Variants in XRCC4 observed in about 807,000 individuals in gnomAD.
The protein encoded by XRCC4 is DNA repair protein XRCC4.
XRCC4 carries 28 observed loss-of-function variants against 39.1 expected under a neutral mutation model. The observed-to-expected ratio is 0.72, with a 90% confidence interval of 0.53 to 0.98. The LOEUF (loss-of-function observed/expected upper bound fraction) is 0.98. Among genes scored for constraint, XRCC4 ranks in the 50% least tolerant of loss-of-function variants. XRCC4 has a pLI of 0.00. For missense variants in XRCC4, 350 were observed against 376.4 expected (o/e 0.93, Z 0.58); for synonymous variants, 123 against 126.4 (o/e 0.97, Z 0.18).
At chr5:83,126,423 T>C (rs908478880) in intron 3 of XRCC4, among the ~76,000 whole-genome samples, 3 of 152,204 alleles carry the variant, frequency 2.0e-5, no homozygotes, top group African/African-American at 4.8e-5. Flanking sequence ...TTTGTTGTTA[T>C]TGTTGTTTGC....
At chr5:83,196,059 T>C in intron 4 of XRCC4, 123 bp downstream of exon 4, 1 of 1,002,726 alleles carries the variant, frequency 1.0e-6, no homozygotes, top group Non-Finnish European at 1.4e-6. Flanking sequence ...TTACCTTAAC[T>C]GAATATGATT....
chr5:83,217,042 A>AACAC (rs146441778), intron 6 of XRCC4, among the ~76,000 whole-genome samples: 40 of 151,378 alleles, frequency 2.6e-4, no homozygotes, highest in African/African-American at 9.0e-4. Flanking sequence ...GATATTTCAA[A>AACAC]ACACACACAC....
intron 6 of XRCC4, among the ~76,000 whole-genome samples, chr5:83,209,112 GT>G: frequency 6.6e-6 from 1 of 151,634 alleles, no homozygotes; most frequent in South Asian, 2.1e-4. Flanking sequence ...GTGTGTGTGT[GT>G]GTGTGTGTGA....
the XRCC4 span, among the ~76,000 whole-genome samples, chr5:83,371,124 C>G: frequency 3.9e-5 from 6 of 152,272 alleles, no homozygotes; most frequent in East Asian, 7.7e-4. Flanking sequence ...GCCCTTTCAT[C>G]CACTCTTCTC....
intron 2 of XRCC4, among the ~76,000 whole-genome samples, chr5:83,110,216 G>T (rs1254293545): frequency 1.3e-5 from 2 of 151,842 alleles, no homozygotes; most frequent in Non-Finnish European, 2.9e-5. Context: ...AGTAAAACAA[G>T]AATTTTTCCA....
intron 2 of XRCC4, among the ~76,000 whole-genome samples, chr5:83,110,812 T>G (rs1746405399): frequency 6.6e-6 from 1 of 152,092 alleles, no homozygotes; most frequent in African/African-American, 2.4e-5. Context: ...GTTTAATGTA[T>G]TTTACGAGAT....
At chr5:83,266,935 A>G (rs1376828788) in intron 7 of XRCC4, among the ~76,000 whole-genome samples, 1 of 152,194 alleles carries the variant, frequency 6.6e-6, no homozygotes, top group African/African-American at 2.4e-5. Flanking sequence ...GTGTATGAAT[A>G]GAACAATGAA....
At position 83,245,173 on chromosome 5, in the gene XRCC4, A is replaced by G. The variant is rs1580418025; in HGVS notation, c.746-13357A>G. On this transcript the variant is annotated intron_variant, in intron 6 of 7. Transcript: ENST00000396027. ...TAGCTTTTGATGTCCTCGGGTAACA[A>G]AATCAACATTTTTCTGTATTTAATG... Among the ~76,000 whole-genome samples, 5 of 152,254 alleles carry G rather than the reference A, an allele frequency of 3.3e-5. 1 individual carries two copies. The highest frequency in any genetic ancestry group is 3.3e-4 in the Admixed American group (5 of 15,286).
chr5:83,195,909 TGA>T lies in XRCC4; in HGVS notation c.460_461del (p.Asp154LeufsTer3), dbSNP rs1561396380. ...CTGCAGAAAGAAAATGAAAGGCTTC[TGA>T]GAGATTGGAATGATGTTCAAGGACG... is the stretch of plus-strand genomic sequence containing the variant. On this transcript the variant is annotated frameshift_variant, in exon 4 of 8. Coordinates refer to ENST00000396027, the MANE Select transcript of XRCC4 (RefSeq NM_003401.5). LOFTEE classifies it high-confidence loss of function. The T allele has an allele frequency of 6.2e-7, 1 of 1,611,100 alleles. No individual in the cohort carries two copies. Among genetic ancestry groups the T allele is most frequent in the Non-Finnish European group, 8.5e-7 (1 of 1,178,502 alleles).
intron 2 of XRCC4, among the ~76,000 whole-genome samples, chr5:83,109,688 A>G (rs540412406): frequency 2.0e-5 from 3 of 152,030 alleles, no homozygotes; most frequent in South Asian, 2.1e-4. Context: ...TTCAAAACCA[A>G]AGTAATTGAT....
chr5:83,081,270 A>G (rs1173768406), intron 1 of XRCC4, among the ~76,000 whole-genome samples: 1 of 152,116 alleles, frequency 6.6e-6, no homozygotes, highest in Non-Finnish European at 1.5e-5. Flanking sequence ...TACCTTTTAC[A>G]TTACCTACCT....
chr5:83,362,603 C>A, the XRCC4 span, among the ~76,000 whole-genome samples: 1 of 151,998 alleles, frequency 6.6e-6, no homozygotes, highest in Non-Finnish European at 1.5e-5. Flanking sequence ...CTAGTGTTTT[C>A]TTGAGGAATT....
At chr5:83,361,961 C>T in the XRCC4 span, among the ~76,000 whole-genome samples, 7 of 152,086 alleles carry the variant, frequency 4.6e-5, no homozygotes, top group African/African-American at 9.7e-5. Flanking sequence ...TTCCCCTCTC[C>T]TCTCTGCTTT....
At chr5:83,136,179 G>T (rs143621844) in intron 3 of XRCC4, among the ~76,000 whole-genome samples, 2,275 of 152,096 alleles carry the variant, frequency 0.015, 73 homozygotes, top group African/African-American at 0.052. Context: ...TATACAAGAG[G>T]GTATAGTGAA....
At chr5:83,216,469 C>T (rs544618669) in intron 6 of XRCC4, among the ~76,000 whole-genome samples, 54 of 152,212 alleles carry the variant, frequency 3.5e-4, no homozygotes, top group Non-Finnish European at 7.1e-4. Context: ...TAAGTCTTTA[C>T]TGAAGAGAAA....
At chr5:83,308,453 A>G (rs1479958061) in intron 7 of XRCC4, among the ~76,000 whole-genome samples, 3 of 152,140 alleles carry the variant, frequency 2.0e-5, no homozygotes, top group African/African-American at 7.2e-5. Flanking sequence ...TTTTGGGGGG[A>G]ATAGAAATCT....
At chr5:83,204,371 G>A (rs1483640323) in intron 5 of XRCC4, among the ~76,000 whole-genome samples, 2 of 152,096 alleles carry the variant, frequency 1.3e-5, no homozygotes, top group African/African-American at 2.4e-5. Context: ...TGGTCTTGCA[G>A]TCATACCTAT....
intron 1 of XRCC4, among the ~76,000 whole-genome samples, chr5:83,085,884 A>G (rs1745159388): frequency 6.6e-6 from 1 of 152,222 alleles, no homozygotes; most frequent in Non-Finnish European, 1.5e-5. Flanking sequence ...GTTAATTCCC[A>G]TCTGAATATC....
chr5:83,287,955 G>A (rs139433531), intron 7 of XRCC4, among the ~76,000 whole-genome samples: 1 of 151,520 alleles, frequency 6.6e-6, no homozygotes, highest in Non-Finnish European at 1.5e-5. Context: ...CACTGCTTTC[G>A]TTGCATCCCA....
Sources: gnomAD v4.1 joint callset for allele counts (sites outside exome capture counted in the v4.1 genomes callset) on GRCh38, gnomAD v4.1.1 for gene constraint, MANE v1.5 for transcripts, NCBI Gene and HGNC (gene_info 2026-07-23, HGNC 2026-07-21) for gene names.